Variants in NAV3 observed in about 807,000 individuals in gnomAD.
The protein encoded by NAV3 is neuron navigator 3.
Under a neutral mutation model 244.7 loss-of-function variants are expected in NAV3, and 87 were observed. The ratio of observed to expected loss-of-function variants is 0.36; its 90% confidence interval spans 0.30 to 0.42. NAV3 has a LOEUF of 0.42. Ranked by LOEUF, NAV3 falls within the 20% of genes least tolerant of loss-of-function variation. The probability of loss-of-function intolerance (pLI) is 1.00; values close to 1 mark genes in which losing one functional copy is unlikely to be tolerated. For synonymous variants in NAV3, 1,126 were observed against 1,042.2 expected (o/e 1.08, Z -1.55); for missense variants, 2,663 against 2,893.3 (o/e 0.92, Z 1.83).
intron 12 of NAV3, among the ~76,000 whole-genome samples, chr12:78,086,050 T>TATCCTTCTCC (rs1953618222): frequency 5.3e-5 from 8 of 152,100 alleles, no homozygotes; most frequent in Non-Finnish European, 7.4e-5. Context: ...CAAGATTGGG[T>TATCCTTCTCC]AAGTTACTTC....
chr12:78,040,946 A>G (rs1880749302), intron 9 of NAV3, among the ~76,000 whole-genome samples: 1 of 152,064 alleles, frequency 6.6e-6, no homozygotes, highest in African/African-American at 2.4e-5. Context: ...AGTCTGTAAG[A>G]TTTTCTCTAC....
intron 2 of NAV3, among the ~76,000 whole-genome samples, chr12:77,699,177 A>AG (rs1193518515): frequency 6.6e-6 from 1 of 152,128 alleles, no homozygotes; most frequent in African/African-American, 2.4e-5. Flanking sequence ...AAGCAATAGA[A>AG]GACACGCTGG....
chr12:77,754,926 A>G (rs1172006106), intron 2 of NAV3, among the ~76,000 whole-genome samples: 1 of 152,228 alleles, frequency 6.6e-6, no homozygotes, highest in Admixed American at 6.5e-5. Context: ...AAAGAAGAAA[A>G]TAAACTTATA....
chr12:77,616,495 A>G (rs1441354087), intron 2 of NAV3, among the ~76,000 whole-genome samples: 1 of 152,146 alleles, frequency 6.6e-6, no homozygotes, highest in African/African-American at 2.4e-5. Context: ...TGTATATATA[A>G]TGTGGTACAA....
At chr12:77,811,212 T>TATC (rs1169929395) in intron 2 of NAV3, among the ~76,000 whole-genome samples, 1 of 152,218 alleles carries the variant, frequency 6.6e-6, no homozygotes, top group Non-Finnish European at 1.5e-5. Flanking sequence ...TGTATGTGAA[T>TATC]ATCTACTCAT....
At chr12:78,050,291 A>G (rs1472748171) in intron 10 of NAV3, among the ~76,000 whole-genome samples, 190 bp downstream of exon 10, 1 of 152,138 alleles carries the variant, frequency 6.6e-6, no homozygotes, top group Non-Finnish European at 1.5e-5. Context: ...TTTATCTTTT[A>G]TCTCTATCTC....
intron 12 of NAV3, among the ~76,000 whole-genome samples, chr12:78,069,835 C>T (rs1168466659): frequency 6.6e-6 from 1 of 151,792 alleles, no homozygotes; most frequent in East Asian, 1.9e-4. Context: ...TATACATACA[C>T]ATTTGGTATT....
intron 1 of NAV3, among the ~76,000 whole-genome samples, chr12:77,872,813 T>C (rs563519678): frequency 3.3e-5 from 5 of 152,348 alleles, no homozygotes; most frequent in South Asian, 2.1e-4. Context: ...TTTTTCATAT[T>C]CTATTGTGTT....
intron 2 of NAV3, among the ~76,000 whole-genome samples, chr12:77,801,340 C>G (rs535414946): frequency 7.9e-5 from 12 of 152,016 alleles, no homozygotes; most frequent in African/African-American, 2.9e-4. Flanking sequence ...TAGGTATGTG[C>G]TGGGTTTAAA....
chr12:77,829,538 C>G (rs1873375156), upstream of NAV3, among the ~76,000 whole-genome samples: 1 of 152,198 alleles, frequency 6.6e-6, no homozygotes, highest in African/African-American at 2.4e-5. Flanking sequence ...CTCTCCAACT[C>G]TGTATTACCT....
chr12:78,073,583 G>A (rs1952890518), intron 12 of NAV3, among the ~76,000 whole-genome samples: 1 of 152,062 alleles, frequency 6.6e-6, no homozygotes, highest in African/African-American at 2.4e-5. Flanking sequence ...TGGGTAGGAA[G>A]AATCAATATC....
At chr12:77,860,347 A>G (rs1879081191) in intron 1 of NAV3, among the ~76,000 whole-genome samples, 1 of 150,410 alleles carries the variant, frequency 6.6e-6, no homozygotes, top group Non-Finnish European at 1.5e-5. Flanking sequence ...TTATAATTTT[A>G]TATGCTATAT....
chr12:77,629,864 A>G (rs1302637329), intron 2 of NAV3, among the ~76,000 whole-genome samples: 3 of 152,156 alleles, frequency 2.0e-5, no homozygotes, highest in Non-Finnish European at 2.9e-5. Flanking sequence ...GGGAGAAGAT[A>G]GGTTGGACGA....
intron 12 of NAV3, among the ~76,000 whole-genome samples, chr12:78,075,553 G>A (rs1953004921): frequency 6.6e-6 from 1 of 152,122 alleles, no homozygotes; most frequent in South Asian, 2.1e-4. Flanking sequence ...AGGATTTGGG[G>A]GTTATGGAGT....
At chr12:77,639,932 A>G (rs930783077) in intron 2 of NAV3, among the ~76,000 whole-genome samples, 1 of 152,170 alleles carries the variant, frequency 6.6e-6, no homozygotes, top group Non-Finnish European at 1.5e-5. Context: ...TGAGCTGTCA[A>G]AAGGGGGGCA....
At chr12:78,107,519 T>C (rs1333107876) in intron 12 of NAV3, among the ~76,000 whole-genome samples, 1 of 151,992 alleles carries the variant, frequency 6.6e-6, no homozygotes, top group Non-Finnish European at 1.5e-5. Flanking sequence ...TGATAACCTA[T>C]GAAGTAAACC....
chr12:78,034,881 G>C (rs1338904866), intron 9 of NAV3, among the ~76,000 whole-genome samples: 1 of 152,094 alleles, frequency 6.6e-6, no homozygotes, highest in African/African-American at 2.4e-5. Context: ...TCAATTATCT[G>C]ATATTTGTAC....
At chr12:77,578,778 A>C (rs1391762922) in intron 2 of NAV3, among the ~76,000 whole-genome samples, 1 of 152,120 alleles carries the variant, frequency 6.6e-6, no homozygotes, top group African/African-American at 2.4e-5. Flanking sequence ...CCACACAAAG[A>C]ACAGCTGCTG....
intron 9 of NAV3, among the ~76,000 whole-genome samples, chr12:78,031,127 C>A (rs1878908432): frequency 6.6e-6 from 1 of 152,054 alleles, no homozygotes; most frequent in Non-Finnish European, 1.5e-5. Flanking sequence ...AAGATGCAGG[C>A]TTTATAAATT....
Sources: gnomAD v4.1 joint callset for allele counts (sites outside exome capture counted in the v4.1 genomes callset) on GRCh38, gnomAD v4.1.1 for gene constraint, MANE v1.5 for transcripts, NCBI Gene and HGNC (gene_info 2026-07-23, HGNC 2026-07-21) for gene names.